Variants in NNMT observed in about 807,000 individuals in gnomAD.
NNMT encodes nicotinamide N-methyltransferase.
A neutral mutation model predicts 11.7 loss-of-function variants in NNMT; 10 were observed. The ratio of observed to expected loss-of-function variants is 0.85; its 90% CI spans 0.53 to 1.45. The LOEUF (loss-of-function observed/expected upper bound fraction) is 1.45, where lower values mean the gene tolerates loss of function less well. Among genes scored for constraint, NNMT ranks in the 40% most tolerant of loss-of-function variants. The probability of loss-of-function intolerance (pLI) is 0.00; values close to 1 mark genes in which losing one functional copy is unlikely to be tolerated. For missense variants in NNMT, 381 were observed against 319.4 expected, an observed-to-expected ratio of 1.19 and a Z score of -1.47; for synonymous variants, 143 against 133.8, an observed-to-expected ratio of 1.07 and a Z score of -0.48.
At chr11:114,279,128 A>G (rs1945239084) in intron 2 of NNMT, among the ~76,000 whole-genome samples, 1 of 152,192 alleles carries the variant, frequency 6.6e-6, no homozygotes, top group African/African-American at 2.4e-5. Context: ...TCAAGTCACC[A>G]TATACACGTG....
chr11:114,289,979 C>T (rs184622827), intron 2 of NNMT, among the ~76,000 whole-genome samples: 18 of 152,254 alleles, frequency 1.2e-4, no homozygotes, highest in East Asian at 9.7e-4. Context: ...ACTTTCTCAC[C>T]GTGTCCTCAT....
chr11:114,283,431 T>G (rs1945276204), intron 2 of NNMT, among the ~76,000 whole-genome samples: 1 of 152,140 alleles, frequency 6.6e-6, no homozygotes, highest in Non-Finnish European at 1.5e-5. Context: ...GCAGCACACA[T>G]TTTACCAAAA....
intron 1 of NNMT, among the ~76,000 whole-genome samples, chr11:114,258,585 C>T (rs952774522): frequency 6.6e-6 from 1 of 152,266 alleles, no homozygotes; most frequent in Non-Finnish European, 1.5e-5. Context: ...AGCCCAGACC[C>T]TCTGTCACTT....
At chr11:114,272,691 G>A (rs542328597) in intron 2 of NNMT, among the ~76,000 whole-genome samples, 1 of 152,302 alleles carries the variant, frequency 6.6e-6, no homozygotes, top group Non-Finnish European at 1.5e-5. Context: ...TGACTGCTCT[G>A]CCCGTCACCA....
chr11:114,276,217 A>G (rs894927753), intron 2 of NNMT, among the ~76,000 whole-genome samples: 7 of 149,816 alleles, frequency 4.7e-5, no homozygotes, highest in African/African-American at 1.7e-4. Context: ...CAGTGTCTAC[A>G]TGGTGGGGGA....
chr11:114,304,575 T>C (rs1760704145), intron 2 of NNMT, among the ~76,000 whole-genome samples: 1 of 152,260 alleles, frequency 6.6e-6, no homozygotes, highest in Admixed American at 6.5e-5. Flanking sequence ...CTACAACCTA[T>C]TTCCTTCAAG....
At chr11:114,275,090 G>A (rs1253943201) in intron 2 of NNMT, among the ~76,000 whole-genome samples, 1 of 152,154 alleles carries the variant, frequency 6.6e-6, no homozygotes, top group Non-Finnish European at 1.5e-5. Context: ...AAGTAAGAAG[G>A]TTGAAGTTGT....
chr11:114,273,231 AG>A (rs1945185287), intron 2 of NNMT, among the ~76,000 whole-genome samples: 2 of 152,216 alleles, frequency 1.3e-5, no homozygotes, highest in African/African-American at 4.8e-5. Context: ...GTTACAGCTC[AG>A]GGATAAGAGG....
intron 1 of NNMT, among the ~76,000 whole-genome samples, chr11:114,261,444 T>C (rs1360207617): frequency 6.6e-6 from 1 of 151,752 alleles, no homozygotes; most frequent in Non-Finnish European, 1.5e-5. Flanking sequence ...ATTAGCCGGG[T>C]GTGGTGGTGC....
chr11:114,302,475 G>T (rs925464858), intron 2 of NNMT, among the ~76,000 whole-genome samples: 3 of 151,876 alleles, frequency 2.0e-5, no homozygotes, highest in Non-Finnish European at 2.9e-5. Flanking sequence ...TGGCCCTTAT[G>T]TTCTTGTCAT....
intron 2 of NNMT, among the ~76,000 whole-genome samples, chr11:114,304,843 A>C (rs976978250): frequency 9.2e-5 from 14 of 152,212 alleles, no homozygotes; most frequent in Non-Finnish European, 1.6e-4. Flanking sequence ...CAAAAATAAT[A>C]AAAAATAATA....
At chr11:114,303,866 A>G (rs1945464248) in intron 2 of NNMT, among the ~76,000 whole-genome samples, 1 of 152,156 alleles carries the variant, frequency 6.6e-6, no homozygotes, top group Non-Finnish European at 1.5e-5. Context: ...CCACACTGCC[A>G]TAGCTGGCTA....
intron 2 of NNMT, among the ~76,000 whole-genome samples, chr11:114,287,383 T>C (rs894097211): frequency 6.6e-6 from 1 of 152,194 alleles, no homozygotes; most frequent in East Asian, 1.9e-4. Context: ...GCCCTTCATA[T>C]TTAGTTTTTT....
At chr11:114,273,771 C>T (rs1239974341) in intron 2 of NNMT, among the ~76,000 whole-genome samples, 1 of 152,020 alleles carries the variant, frequency 6.6e-6, no homozygotes, top group African/African-American at 2.4e-5. Context: ...GCTCAGGAGT[C>T]GGAGGTTGCA....
intron 2 of NNMT, among the ~76,000 whole-genome samples, chr11:114,279,386 C>G (rs140958029): frequency 7.5e-4 from 114 of 152,218 alleles, no homozygotes; most frequent in African/African-American, 2.5e-3. Flanking sequence ...TGCTGGGGAA[C>G]TGGAGAAGAC....
chr11:114,296,781 T>A, intron 1 of NNMT, 71 bp downstream of exon 1: 2 of 1,488,178 alleles, frequency 1.3e-6, no homozygotes, highest in Admixed American at 1.8e-5. Context: ...CACGACTGGG[T>A]TTTGTGTCTC....
intron 2 of NNMT, among the ~76,000 whole-genome samples, chr11:114,275,857 T>A (rs1363517001): frequency 6.6e-6 from 1 of 152,128 alleles, no homozygotes; most frequent in Non-Finnish European, 1.5e-5. Flanking sequence ...AATATTCTGT[T>A]ATCCTGCAAG....
In NNMT at chr11:114,312,575, G is replaced by A. The variant is rs151296422; in HGVS notation, c.*98G>A. 3.6e-4 allele frequency: 441 copies of A among 1,230,596 alleles called. 1 individual carries two copies. The African/African-American group carries it at 5.5e-3, about 15-fold the overall frequency. 76.2% of individuals were successfully genotyped at this position (1,230,596 alleles called of 1,614,324 possible). A position where few individuals can be genotyped will look rare whatever the true frequency, so the allele number is the denominator to read the frequency against. ...GTCATGTGCTGAGTAGAGGCTCAGT[G>A]GTTGGGGCCCAATGGTTCATCTAGG... On this transcript the variant is annotated 3_prime_UTR_variant, in exon 3 of 3. Transcript: ENST00000299964.
upstream of NNMT, among the ~76,000 whole-genome samples, chr11:114,291,983 C>T (rs1370118945): frequency 6.6e-6 from 1 of 152,094 alleles, no homozygotes; most frequent in Non-Finnish European, 1.5e-5. Flanking sequence ...AAATATTATT[C>T]TAGTCCATTT....
Sources: allele counts gnomAD v4.1 joint callset (sites outside exome capture counted in the v4.1 genomes callset), GRCh38; gene constraint gnomAD v4.1.1; transcripts MANE v1.5; gene names NCBI Gene and HGNC (gene_info 2026-07-23, HGNC 2026-07-21).